Variants in FRYL observed in about 807,000 individuals in gnomAD.
FRYL encodes the protein protein furry homolog-like.
FRYL carries 150 observed loss-of-function variants against 351.2 expected under a neutral mutation model. The ratio of observed to expected loss-of-function variants is 0.43; its 90% CI spans 0.37 to 0.49. The LOEUF is 0.49. Ranked by LOEUF, FRYL falls within the 20% of genes least tolerant of loss-of-function variation. The pLI is 0.00. For synonymous variants in FRYL, 1,153 were observed against 1,257.1 expected (o/e 0.92, Z 1.75); for missense variants, 3,036 against 3,619.3 (o/e 0.84, Z 4.13).
At chr4:48,741,484 C>G (rs1772059322) in intron 1 of FRYL, among the ~76,000 whole-genome samples, 1 of 151,964 alleles carries the variant, frequency 6.6e-6, no homozygotes, top group Non-Finnish European at 1.5e-5. Flanking sequence ...AGGTTGCAGT[C>G]AGCAGAGATT....
chr4:48,744,191 G>T (rs887135371), intron 1 of FRYL, among the ~76,000 whole-genome samples: 1 of 151,798 alleles, frequency 6.6e-6, no homozygotes, highest in African/African-American at 2.4e-5. Flanking sequence ...TTCTTTTTGG[G>T]GGTGATATAA....
chr4:48,543,839 C>T lies in FRYL; in HGVS notation c.5560G>A (p.Glu1854Lys). The T allele has an allele frequency of 1.2e-6, 2 of 1,613,690 alleles. No homozygotes were observed. Among genetic ancestry groups the T allele is most frequent in the Non-Finnish European group, 1.7e-6 (2 of 1,179,724 alleles). Residue 1854 changes from glutamate (E) to lysine (K), a missense_variant, in exon 44 of 64, where the codon GAA becomes AAA. Physicochemically the swap from Glu to Lys is moderately conservative, Grantham distance 56. This residue lies in a region of FRYL where 1,987 missense variants were observed against 2,311.7 expected (regional missense o/e 0.86). Coordinates refer to ENST00000358350, the MANE Select transcript of FRYL (RefSeq NM_015030.2). ...TLSDVLSRLV[E>K]TVGDPGEDAQ... ...TCTTCTCCTGGATCCCCTACAGTTT[C>T]TACAAGTCTGGAGAGAACATCAGAA...
At chr4:48,548,481 A>G in intron 40 of FRYL, among the ~76,000 whole-genome samples, 1 of 152,144 alleles carries the variant, frequency 6.6e-6, no homozygotes, top group East Asian at 1.9e-4. Flanking sequence ...TAGGAATAGG[A>G]ATGGGGGTAA....
intron 43 of FRYL, among the ~76,000 whole-genome samples, chr4:48,544,306 C>T (rs1297279933): frequency 6.6e-6 from 1 of 152,120 alleles, no homozygotes; most frequent in Non-Finnish European, 1.5e-5. Flanking sequence ...TGGCCTCAAC[C>T]CACCAGATAC....
At chr4:48,674,165 T>C (rs970217982) in intron 3 of FRYL, among the ~76,000 whole-genome samples, 1 of 152,144 alleles carries the variant, frequency 6.6e-6, no homozygotes, top group African/African-American at 2.4e-5. Context: ...CAGAATAAAA[T>C]AACCCAATCC....
Position 48,549,281 on chromosome 4 carries a change from A to C in FRYL, c.4784+192T>G, listed in dbSNP as rs775852835. On this transcript the variant is annotated intron_variant, in intron 39 of 63. Coordinates refer to ENST00000358350, the MANE Select transcript of FRYL (RefSeq NM_015030.2). The surrounding 1 kb of genome is among the most constrained non-coding windows in gnomAD (Gnocchi z 4.2). ...GAAAAGCAGCAGCAGAATTAGATTT[A>C]ATAATATTAATTTTATAAAGTTAGA... Among the ~76,000 whole-genome samples the C allele has an allele frequency of 2.0e-5, 3 of 152,196 alleles. No individual in the cohort carries two copies. The highest frequency in any genetic ancestry group is 6.5e-5 in the Admixed American group (1 of 15,276).
intron 53 of FRYL, among the ~76,000 whole-genome samples, chr4:48,524,259 A>G (rs1461196193): frequency 6.6e-6 from 1 of 151,984 alleles, no homozygotes; most frequent in African/African-American, 2.4e-5. Context: ...AAAACAGAAA[A>G]CCAGAGCTGC....
chr4:48,540,387 G>C lies in FRYL; in HGVS notation c.6261C>G (p.Ser2087=), dbSNP rs1330670567. 1.9e-6 allele frequency: 3 copies of C among 1,613,680 alleles called. No homozygotes were observed. The highest frequency in any genetic ancestry group is 2.5e-6 in the Non-Finnish European group (3 of 1,179,798). Residue 2087 remains serine (S), a synonymous_variant, in exon 46 of 64, where the codon TCC becomes TCG. Transcript: ENST00000358350. ...VHLLSKLISV[S]KHTLVDPSQL... ...GGGAAGGATCCACCAATGTATGTTT[G>C]GAGACAGAAATGAGTTTACTGAGGA... is the stretch of plus-strand genomic sequence containing the variant.
At chr4:48,561,837 G>A (rs962417390) in intron 32 of FRYL, among the ~76,000 whole-genome samples, 2 of 152,052 alleles carry the variant, frequency 1.3e-5, no homozygotes, top group African/African-American at 4.8e-5. Context: ...CAACATAGCA[G>A]GACCTCATCT....
At position 48,630,020 on chromosome 4, in the gene FRYL, A is replaced by C. The variant is rs144400329; in HGVS notation, c.120+4271T>G. 2.6e-3 allele frequency among the ~76,000 whole-genome samples: 403 copies of C among 152,292 alleles called. 1 individual carries two copies. The highest frequency in any genetic ancestry group is 4.6e-3 in the Non-Finnish European group (310 of 68,012). On this transcript the variant is annotated intron_variant, in intron 4 of 63. Coordinates refer to ENST00000358350, the MANE Select transcript of FRYL (RefSeq NM_015030.2). ...ACTGAAGATAGGGAGGTTAAGCAAGAATATATAAACCAAATATCAAAAACC... is the reference window on the plus strand; with the variant it reads ...ACTGAAGATAGGGAGGTTAAGCAAGCATATATAAACCAAATATCAAAAACC...
chr4:48,600,723 T>C (rs1356033890), intron 13 of FRYL, among the ~76,000 whole-genome samples: 1 of 152,070 alleles, frequency 6.6e-6, no homozygotes, highest in East Asian at 1.9e-4. Context: ...GTATGAAAAA[T>C]CATACTATCC....
chr4:48,499,362 G>A lies in FRYL; in HGVS notation c.*60C>T, dbSNP rs1719039925. On this transcript the variant is annotated 3_prime_UTR_variant, in exon 64 of 64. Coordinates refer to ENST00000358350, the MANE Select transcript of FRYL (RefSeq NM_015030.2). ...GTGAATGCAAGGGTCCATAAAAGGT[G>A]CTTGGTTAATATTCTTCATCATCTT... 2 of 1,496,332 alleles carry A rather than the reference G, an allele frequency of 1.3e-6. No individual in the cohort carries two copies. The allele number at this position is 1,496,332 out of a possible 1,614,324, so 92.7% of individuals were successfully genotyped here.
intron 4 of FRYL, among the ~76,000 whole-genome samples, chr4:48,630,005 G>C (rs1037547360): frequency 6.6e-6 from 1 of 152,148 alleles, no homozygotes; most frequent in African/African-American, 2.4e-5. Context: ...ACTGAAGATA[G>C]GGAGGTTAAG....
Position 48,564,048 on chromosome 4 carries a change from G to C in FRYL, c.3496C>G (p.Gln1166Glu). 6.2e-7 allele frequency: 1 copy of C among 1,614,176 alleles called. No homozygotes were observed. The highest frequency in any genetic ancestry group is 1.1e-5 in the South Asian group (1 of 91,074). Residue 1166 changes from glutamine to glutamate, a missense_variant, in exon 31 of 64, where the codon CAG becomes GAG. Transcript: ENST00000358350. Reference protein sequence around the residue: ...VTLLLELNPDQSNLMYWAVDR... With the variant: ...VTLLLELNPDESNLMYWAVDR... Reference sequence around the variant, plus strand: ...ACAGCCCAGTACATCAGGTTGCTCTGATCAGGGTTCAGCTCCAGTAACAAC... The same window carrying C: ...ACAGCCCAGTACATCAGGTTGCTCTCATCAGGGTTCAGCTCCAGTAACAAC...
rs75980692 is a variant in FRYL, at chr4:48,653,462, A to G, written c.-80-18972T>C. 2.6e-4 allele frequency among the ~76,000 whole-genome samples: 39 copies of G among 152,232 alleles called. No homozygotes were observed. The East Asian group carries it at 7.3e-3, about 29-fold the overall frequency. ...ACTAATTGCGAGAAACTTTGCCAGA[A>G]TAACACAAATTACCAAGAAATTCAA... On this transcript the variant is annotated intron_variant, in intron 3 of 63. Coordinates refer to ENST00000358350, the MANE Select transcript of FRYL (RefSeq NM_015030.2).
intron 2 of FRYL, among the ~76,000 whole-genome samples, chr4:48,697,255 T>G (rs1766286682): frequency 6.6e-6 from 1 of 152,108 alleles, no homozygotes. Flanking sequence ...TTACCTAAAT[T>G]TTACCTAAAA....
chr4:48,695,168 T>C (rs1183883752), intron 2 of FRYL, among the ~76,000 whole-genome samples: 2 of 152,182 alleles, frequency 1.3e-5, no homozygotes, highest in East Asian at 3.8e-4. Context: ...AACATACCCC[T>C]AAGAGAAGAT....
In FRYL at chr4:48,510,916, G is replaced by T. The variant is rs1474831546; in HGVS notation, c.8214C>A (p.Arg2738=). Residue 2738 remains arginine, a synonymous_variant, in exon 58 of 64, where the codon CGC becomes CGA. Coordinates refer to ENST00000358350, the MANE Select transcript of FRYL (RefSeq NM_015030.2). ...AVSFLGDSLQ[R]IGTKFKSSLE... is the part of the protein sequence containing the mutation. ...AGGAACTTTTAAATTTGGTACCAAT[G>T]CGTTGCAGACTATCACCAAGAAAGC... 6.2e-7 allele frequency: 1 copy of T among 1,611,912 alleles called. No individual in the cohort carries two copies. Among genetic ancestry groups the T allele is most frequent in the South Asian group, 1.1e-5 (1 of 90,982 alleles).
At chr4:48,712,710 G>A (rs1162847305) in intron 1 of FRYL, among the ~76,000 whole-genome samples, 5 of 152,152 alleles carry the variant, frequency 3.3e-5, no homozygotes, top group African/African-American at 9.7e-5. Flanking sequence ...TTCAGGAAAT[G>A]CAGAGAACAC....
Sources: allele counts gnomAD v4.1 joint callset (sites outside exome capture counted in the v4.1 genomes callset), GRCh38; gene constraint gnomAD v4.1.1; regional missense constraint gnomAD v4.1.1; non-coding constraint Gnocchi (gnomAD v3.1); transcripts MANE v1.5; gene names NCBI Gene and HGNC (gene_info 2026-07-23, HGNC 2026-07-21).